SLC29A3: variants seen among roughly 807,000 people sequenced by gnomAD.
The protein encoded by SLC29A3 is solute carrier family 29 member 3, also known as equilibrative nucleoside transporter 3.
SLC29A3 carries 18 observed loss-of-function variants against 25.4 expected under a neutral mutation model. The ratio of observed to expected loss-of-function variants is 0.71; its 90% CI spans 0.49 to 1.05. SLC29A3 has a LOEUF of 1.05. Ranked by LOEUF, SLC29A3 falls within the 50% of genes least tolerant of loss-of-function variation. The probability of loss-of-function intolerance (pLI) is 0.00; values close to 1 mark genes in which losing one functional copy is unlikely to be tolerated. For synonymous variants in SLC29A3, 258 were observed against 267.1 expected (o/e 0.97, Z 0.33); for missense variants, 586 against 609.0 (o/e 0.96, Z 0.40).
intron 4 of SLC29A3, among the ~76,000 whole-genome samples, chr10:71,352,300 C>G (rs917544091): frequency 7.2e-5 from 11 of 152,122 alleles, no homozygotes; most frequent in African/African-American, 2.7e-4. Flanking sequence ...CATAAGCTCA[C>G]CCAGACTCAA....
At chr10:71,368,244 T>A (rs7907559), downstream of SLC29A3, among the ~76,000 whole-genome samples, 2 of 147,168 alleles carry the variant, frequency 1.4e-5, no homozygotes, top group Admixed American at 6.6e-5. Context: ...CTAAAAAAAA[T>A]AAAAAATAAA....
chr10:71,369,230 A>G (rs1847193012), intron 3 of SLC29A3, among the ~76,000 whole-genome samples: 1 of 152,208 alleles, frequency 6.6e-6, no homozygotes, highest in African/African-American at 2.4e-5. Context: ...GTGAGGAATA[A>G]ATTTCTATTG....
chr10:71,322,324 C>T (rs1029814612), intron 1 of SLC29A3, among the ~76,000 whole-genome samples: 2 of 152,204 alleles, frequency 1.3e-5, no homozygotes, highest in East Asian at 1.9e-4. Flanking sequence ...CACCTGAAAT[C>T]GAAAAGGGTT....
exon 5 of SLC29A3, chr10:71,381,174 G>A (rs1349496828): frequency 1.3e-5 from 2 of 152,178 alleles, no homozygotes; most frequent in Non-Finnish European, 2.9e-5. Context: ...AACACCAAGA[G>A]TGAACCCTAA....
intron 3 of SLC29A3, among the ~76,000 whole-genome samples, chr10:71,349,234 G>A (rs560842196): frequency 4.6e-5 from 7 of 152,274 alleles, no homozygotes; most frequent in African/African-American, 1.4e-4. Flanking sequence ...CACAATAAAA[G>A]GATGTCCTCT....
intron 3 of SLC29A3, among the ~76,000 whole-genome samples, chr10:71,369,712 C>T (rs780693): frequency 0.9 from 136,488 of 152,254 alleles, 61,648 homozygotes; most frequent in Middle Eastern, 0.95. Context: ...GAGGCACTGA[C>T]CATTGAGCAG....
Position 71,362,264 on chromosome 10 carries a change from G to A in SLC29A3, c.1084G>A (p.Gly362Ser). The change falls in exon 6 of 6, where the codon GGC becomes AGC. Residue 362 changes from glycine (G) to serine (S), a missense_variant. Physicochemically the swap from Gly to Ser is moderately conservative, Grantham distance 56. Coordinates refer to ENST00000373189, the MANE Select transcript of SLC29A3 (RefSeq NM_018344.6). Reference protein sequence around the residue: ...FLLYNFADLCGRQLTAWIQVP... With the variant: ...FLLYNFADLCSRQLTAWIQVP... ...CCTGTACAACTTTGCTGACCTATGT[G>A]GCCGGCAGCTCACCGCCTGGATCCA... 1 of 1,614,134 alleles carries A rather than the reference G, an allele frequency of 6.2e-7. No homozygotes were observed. Among genetic ancestry groups the A allele is most frequent in the Non-Finnish European group, 8.5e-7 (1 of 1,180,018 alleles).
At chr10:71,323,673 G>A (rs1268993151) in intron 2 of SLC29A3, among the ~76,000 whole-genome samples, 2 of 152,244 alleles carry the variant, frequency 1.3e-5, no homozygotes, top group Admixed American at 1.3e-4. Flanking sequence ...TCAGAACCAT[G>A]TGCCTGCTAA....
chr10:71,326,564 G>A (rs552357483), intron 2 of SLC29A3, among the ~76,000 whole-genome samples: 4 of 152,222 alleles, frequency 2.6e-5, no homozygotes, highest in South Asian at 2.1e-4. Flanking sequence ...TGCCTGTCTC[G>A]GCCGGCACAG....
At chr10:71,381,412 A>C (rs1385864214), downstream of SLC29A3, 1 of 152,236 alleles carries the variant, frequency 6.6e-6, no homozygotes, top group Admixed American at 6.5e-5. Context: ...AAATCTAAAA[A>C]ATGAACAATA....
chr10:71,353,936 G>A (rs928939572), intron 4 of SLC29A3, among the ~76,000 whole-genome samples: 3 of 152,218 alleles, frequency 2.0e-5, no homozygotes, highest in Admixed American at 6.5e-5. Flanking sequence ...GAAAGAGAGA[G>A]AGGAAAATCA....
intron 4 of SLC29A3, 42 bp from the exon 5 acceptor site, chr10:71,356,039 G>A (rs775016248): frequency 6.5e-5 from 105 of 1,610,404 alleles, no homozygotes; most frequent in South Asian, 8.8e-5. Flanking sequence ...ACTCCTCCTC[G>A]CCCACCCCTC....
At chr10:71,351,870 C>T (rs755272691) in intron 4 of SLC29A3, 82 bp downstream of exon 4, 2 of 1,285,138 alleles carry the variant, frequency 1.6e-6, no homozygotes, top group Non-Finnish European at 1.1e-6. Flanking sequence ...CATGTGGTGG[C>T]CTTTTCTGAA....
At chr10:71,344,982 C>G (rs890139070) in intron 3 of SLC29A3, among the ~76,000 whole-genome samples, 1 of 152,206 alleles carries the variant, frequency 6.6e-6, no homozygotes, top group Non-Finnish European at 1.5e-5. Context: ...TCACTGATAG[C>G]AAATCTGTTT....
intron 5 of SLC29A3, among the ~76,000 whole-genome samples, chr10:71,358,352 C>A (rs191585688): frequency 6.6e-6 from 1 of 152,222 alleles, no homozygotes; most frequent in Non-Finnish European, 1.5e-5. Context: ...AAGGATTCTT[C>A]ACCGCTTCAG....
intron 4 of SLC29A3, among the ~76,000 whole-genome samples, chr10:71,355,728 C>A (rs376558546): frequency 2.8e-4 from 43 of 152,268 alleles, no homozygotes; most frequent in East Asian, 1.9e-3. Context: ...TCTAAAATTT[C>A]AGCCCCCACT....
In SLC29A3 at chr10:71,378,345, G is replaced by A. The variant is rs563601355; in HGVS notation, c.*212-1421G>A. ...TTCTCTGCGGTTCTCCTCCCACCCT[G>A]TCTCCCAGCCAAAGGACCTGAGACC... On this transcript the variant is annotated intron_variant and NMD_transcript_variant, in intron 4 of 4. Transcript: ENST00000642772. Among the ~76,000 whole-genome samples, 26 of 152,218 alleles carry A rather than the reference G, an allele frequency of 1.7e-4. No homozygotes were observed. The East Asian group carries it at 4.8e-3, about 28-fold the overall frequency.
chr10:71,346,676 G>A (rs1749119978), intron 3 of SLC29A3, among the ~76,000 whole-genome samples: 2 of 152,186 alleles, frequency 1.3e-5, no homozygotes, highest in Admixed American at 1.3e-4. Context: ...CTGCACTCCA[G>A]CCTTGGCTAG....
downstream of SLC29A3, among the ~76,000 whole-genome samples, chr10:71,367,517 G>T (rs938022043): frequency 6.6e-6 from 1 of 152,248 alleles, no homozygotes; most frequent in Admixed American, 6.5e-5. Context: ...AGCCCACATA[G>T]GCAAGAGATG....
Sources: allele counts gnomAD v4.1 joint callset (sites outside exome capture counted in the v4.1 genomes callset), GRCh38; gene constraint gnomAD v4.1.1; transcripts MANE v1.5; gene names NCBI Gene and HGNC (gene_info 2026-07-23, HGNC 2026-07-21).